PPARGC1A: variants seen among roughly 807,000 people sequenced by gnomAD.
PPARGC1A encodes peroxisome proliferator-activated receptor gamma coactivator 1-alpha.
PPARGC1A carries 25 observed loss-of-function variants against 88.7 expected under a neutral mutation model. The ratio of observed to expected loss-of-function variants is 0.28; its 90% confidence interval spans 0.21 to 0.39. The LOEUF (loss-of-function observed/expected upper bound fraction) is 0.39, where lower values mean the gene tolerates loss of function less well. Ranked by LOEUF, PPARGC1A falls within the 10% of genes least tolerant of loss-of-function variation. The pLI, the probability that PPARGC1A is intolerant of heterozygous loss-of-function variation, is 1.00. For missense variants in PPARGC1A, 880 were observed against 968.7 expected (o/e 0.91, Z 1.22); for synonymous variants, 363 against 355.6 (o/e 1.02, Z -0.24).
the PPARGC1A span, among the ~76,000 whole-genome samples, chr4:24,136,753 T>C: frequency 1.3e-5 from 2 of 152,138 alleles, no homozygotes; most frequent in South Asian, 4.1e-4. Flanking sequence ...GAAATCCATA[T>C]GTTGAAGTCC....
At chr4:24,347,166 G>GC in the PPARGC1A span, among the ~76,000 whole-genome samples, 24 of 152,210 alleles carry the variant, frequency 1.6e-4, no homozygotes, top group African/African-American at 4.6e-4. Context: ...ATTTACTGAG[G>GC]CTTGTTTTAT....
At chr4:24,248,597 T>C in the PPARGC1A span, among the ~76,000 whole-genome samples, 1 of 152,218 alleles carries the variant, frequency 6.6e-6, no homozygotes, top group South Asian at 2.1e-4. Flanking sequence ...ATGACACCTT[T>C]ATCTGGAACC....
the PPARGC1A span, among the ~76,000 whole-genome samples, chr4:24,338,850 A>C: frequency 1.1e-3 from 170 of 152,254 alleles, no homozygotes; most frequent in African/African-American, 3.8e-3. Flanking sequence ...TCCCTTCCAT[A>C]AGAACCTCCA....
chr4:24,090,446 TGAA>T, the PPARGC1A span, among the ~76,000 whole-genome samples: 14 of 152,340 alleles, frequency 9.2e-5, no homozygotes, highest in African/African-American at 3.4e-4. Flanking sequence ...AAATTTCTGT[TGAA>T]GAAGAAATCT....
chr4:24,223,014 A>G, the PPARGC1A span, among the ~76,000 whole-genome samples: 1 of 152,310 alleles, frequency 6.6e-6, no homozygotes, highest in East Asian at 1.9e-4. Context: ...CTAGGCACAT[A>G]TACTCAAGCA....
At chr4:24,228,170 A>G in the PPARGC1A span, among the ~76,000 whole-genome samples, 1 of 152,150 alleles carries the variant, frequency 6.6e-6, no homozygotes, top group Non-Finnish European at 1.5e-5. Context: ...CCTTGGTTAC[A>G]GTGATGGGCC....
At chr4:24,125,104 G>T in the PPARGC1A span, among the ~76,000 whole-genome samples, 3 of 152,224 alleles carry the variant, frequency 2.0e-5, no homozygotes, top group East Asian at 3.9e-4. Flanking sequence ...GTAGTGAAAA[G>T]ATCTCAAAAT....
the PPARGC1A span, among the ~76,000 whole-genome samples, chr4:23,918,887 T>C: frequency 1.3e-5 from 2 of 152,194 alleles, no homozygotes; most frequent in African/African-American, 4.8e-5. Context: ...GGATTTGCAA[T>C]TCCTATCCTA....
chr4:24,409,012 G>C, the PPARGC1A span, among the ~76,000 whole-genome samples: 1 of 152,172 alleles, frequency 6.6e-6, no homozygotes, highest in East Asian at 1.9e-4. Flanking sequence ...TTGAGGAGGG[G>C]GGTAGAGTTA....
At chr4:24,237,563 C>A in the PPARGC1A span, among the ~76,000 whole-genome samples, 2 of 152,174 alleles carry the variant, frequency 1.3e-5, no homozygotes, top group Admixed American at 6.5e-5. Context: ...GAGTTCGATA[C>A]CCGTAATGGC....
At chr4:24,472,084 G>A in the PPARGC1A span, among the ~76,000 whole-genome samples, 1 of 152,182 alleles carries the variant, frequency 6.6e-6, no homozygotes, top group Non-Finnish European at 1.5e-5. The surrounding 1 kb of genome is among the most constrained non-coding windows in gnomAD (Gnocchi z 4.5). Flanking sequence ...GTAACGCGCC[G>A]GCTCCTGCCT....
chr4:23,893,279 A>T (rs1718120289), upstream of PPARGC1A, among the ~76,000 whole-genome samples: 2 of 152,132 alleles, frequency 1.3e-5, no homozygotes, highest in South Asian at 4.1e-4. Flanking sequence ...CTCCAAATTA[A>T]AGGCTTTTCC....
chr4:24,349,724 T>C, the PPARGC1A span, among the ~76,000 whole-genome samples: 1 of 152,160 alleles, frequency 6.6e-6, no homozygotes, highest in African/African-American at 2.4e-5. Flanking sequence ...CGAAGCTATC[T>C]GCCTCCCAAC....
the PPARGC1A span, among the ~76,000 whole-genome samples, chr4:24,440,628 C>T: frequency 6.6e-6 from 1 of 152,196 alleles, no homozygotes; most frequent in Admixed American, 6.5e-5. Context: ...ATGGTAAAAC[C>T]CTGTCTCCAA....
intron 1 of PPARGC1A, among the ~76,000 whole-genome samples, chr4:23,885,323 A>G (rs181106712): frequency 2.0e-3 from 308 of 152,328 alleles, no homozygotes; most frequent in South Asian, 9.1e-3. Flanking sequence ...ACTTGATTTT[A>G]CCTTGGAAAT....
chr4:23,888,652 G>C (rs1177965756), intron 1 of PPARGC1A, among the ~76,000 whole-genome samples: 1 of 152,106 alleles, frequency 6.6e-6, no homozygotes, highest in East Asian at 1.9e-4. Context: ...GGCAAGGGAG[G>C]GCAAATGGAG....
chr4:24,212,502 G>A, the PPARGC1A span, among the ~76,000 whole-genome samples: 1 of 152,108 alleles, frequency 6.6e-6, no homozygotes, highest in Non-Finnish European at 1.5e-5. Flanking sequence ...TTTCCAAAGT[G>A]TCATGAGAAT....
chr4:23,863,833 G>T (rs552451062), intron 2 of PPARGC1A, among the ~76,000 whole-genome samples: 121 of 152,254 alleles, frequency 7.9e-4, no homozygotes, highest in Admixed American at 7.1e-3. Context: ...TGCAACCTCT[G>T]CCTCCCAGGT....
intron 2 of PPARGC1A, among the ~76,000 whole-genome samples, chr4:23,844,517 A>C (rs1356711953): frequency 1.7e-5 from 2 of 116,238 alleles, no homozygotes; most frequent in African/African-American, 6.9e-5. Flanking sequence ...ATAATATAAT[A>C]ATCACATAAT....
Sources: gnomAD v4.1 joint callset for allele counts (sites outside exome capture counted in the v4.1 genomes callset) on GRCh38, gnomAD v4.1.1 for gene constraint, Gnocchi (gnomAD v3.1) non-coding constraint, MANE v1.5 for transcripts, NCBI Gene and HGNC (gene_info 2026-07-23, HGNC 2026-07-21) for gene names.